Variants in CSMD1 observed in about 807,000 individuals in gnomAD.
CSMD1 encodes CUB and Sushi multiple domains 1.
A neutral mutation model predicts 417.5 loss-of-function variants in CSMD1; 213 were observed. That is an observed-to-expected ratio of 0.51 (90% CI 0.46 to 0.57). The LOEUF (loss-of-function observed/expected upper bound fraction) is 0.57, where lower values mean the gene tolerates loss of function less well. CSMD1 is among the 20% of genes least tolerant of loss of function. The probability of loss-of-function intolerance (pLI) is 0.00; values close to 1 mark genes in which losing one functional copy is unlikely to be tolerated. For synonymous variants in CSMD1, 2,862 were observed against 1,736.8 expected, an observed-to-expected ratio of 1.65 and a Z score of -16.11; for missense variants, 6,923 against 4,529.7, an observed-to-expected ratio of 1.53 and a Z score of -15.17.
intron 2 of CSMD1, among the ~76,000 whole-genome samples, chr8:4,603,686 G>T (rs1389231364): frequency 6.6e-6 from 1 of 152,078 alleles, no homozygotes; most frequent in African/African-American, 2.4e-5. Context: ...ATTAAAAACA[G>T]TGATTTTCTT....
intron 7 of CSMD1, among the ~76,000 whole-genome samples, chr8:3,626,161 C>A (rs1407933631): frequency 6.6e-6 from 1 of 152,180 alleles, no homozygotes; most frequent in Non-Finnish European, 1.5e-5. Flanking sequence ...CAAAGAGCGA[C>A]GTCTCTATGC....
At chr8:4,058,001 T>A (rs1585223097) in intron 3 of CSMD1, among the ~76,000 whole-genome samples, 1 of 151,652 alleles carries the variant, frequency 6.6e-6, no homozygotes, top group East Asian at 1.9e-4. Context: ...GCCTTAGGAT[T>A]GACTTGGCAA....
chr8:4,502,321 C>T (rs1249723153), intron 2 of CSMD1, among the ~76,000 whole-genome samples: 5 of 152,098 alleles, frequency 3.3e-5, no homozygotes, highest in Admixed American at 3.3e-4. Flanking sequence ...AATACGAGGA[C>T]AAATGCATAG....
chr8:2,940,409 T>A (rs908794735), intron 69 of CSMD1, among the ~76,000 whole-genome samples: 1 of 152,158 alleles, frequency 6.6e-6, no homozygotes, highest in Non-Finnish European at 1.5e-5. Flanking sequence ...AGCCTCTTGG[T>A]CTTGGTGCAG....
intron 5 of CSMD1, among the ~76,000 whole-genome samples, chr8:3,990,368 T>C (rs1275057222): frequency 6.6e-6 from 1 of 152,050 alleles, no homozygotes; most frequent in Non-Finnish European, 1.5e-5. Context: ...AACTGTAGAG[T>C]TCAACTCTGC....
intron 54 of CSMD1, among the ~76,000 whole-genome samples, chr8:2,982,293 C>G (rs1198672981): frequency 6.6e-6 from 1 of 152,106 alleles, no homozygotes. Context: ...GATGCGGAAG[C>G]TGCAGTGAGC....
chr8:4,879,729 T>A (rs543215517), intron 1 of CSMD1, among the ~76,000 whole-genome samples: 1 of 151,930 alleles, frequency 6.6e-6, no homozygotes, highest in Non-Finnish European at 1.5e-5. Context: ...TAGAAAGGGA[T>A]TGGGACTTTC....
chr8:3,963,671 ATGTG>A (rs1437686550), intron 5 of CSMD1, among the ~76,000 whole-genome samples: 3 of 152,334 alleles, frequency 2.0e-5, no homozygotes, highest in East Asian at 1.9e-4. Flanking sequence ...ATGATTTTGT[ATGTG>A]TGTAAGTGAA....
At chr8:3,649,915 G>T (rs913626759) in intron 7 of CSMD1, among the ~76,000 whole-genome samples, 1 of 151,774 alleles carries the variant, frequency 6.6e-6, no homozygotes, top group African/African-American at 2.4e-5. Flanking sequence ...TTTGTGCATG[G>T]TATATGTAAC....
intron 49 of CSMD1, among the ~76,000 whole-genome samples, chr8:3,067,041 ATC>A (rs1310814721): frequency 5.3e-5 from 8 of 152,122 alleles, no homozygotes; most frequent in Admixed American, 5.2e-4. Context: ...CTTCAACCTC[ATC>A]TCTTTCGCTC....
At chr8:4,320,088 C>T (rs1389319118) in intron 3 of CSMD1, among the ~76,000 whole-genome samples, 1 of 152,122 alleles carries the variant, frequency 6.6e-6, no homozygotes, top group Non-Finnish European at 1.5e-5. Flanking sequence ...ACAAACATTA[C>T]ATGTTCAAAA....
At chr8:4,426,711 A>C (rs1463758791) in intron 2 of CSMD1, among the ~76,000 whole-genome samples, 1 of 147,268 alleles carries the variant, frequency 6.8e-6, no homozygotes, top group Non-Finnish European at 1.5e-5. Context: ...TAATGCAGTA[A>C]TATTTTATTA....
chr8:4,837,683 T>C (rs1211617308), intron 1 of CSMD1, among the ~76,000 whole-genome samples: 1 of 152,026 alleles, frequency 6.6e-6, no homozygotes, highest in Non-Finnish European at 1.5e-5. Context: ...ATAAATAAAA[T>C]CTACTATTTG....
At chr8:4,100,567 G>C (rs979919655) in intron 3 of CSMD1, among the ~76,000 whole-genome samples, 1 of 152,172 alleles carries the variant, frequency 6.6e-6, no homozygotes, top group African/African-American at 2.4e-5. Context: ...TGTATAAAGA[G>C]AACAGCATCA....
chr8:4,238,444 C>G (rs891276763), intron 3 of CSMD1, among the ~76,000 whole-genome samples: 9 of 152,138 alleles, frequency 5.9e-5, no homozygotes, highest in Admixed American at 3.3e-4. Flanking sequence ...CTGTGATTCC[C>G]TCATGGACAA....
At chr8:4,626,224 C>G (rs754981857) in intron 2 of CSMD1, among the ~76,000 whole-genome samples, 1 of 152,124 alleles carries the variant, frequency 6.6e-6, no homozygotes, top group African/African-American at 2.4e-5. Flanking sequence ...GAGGACACAG[C>G]CTGCATGAAG....
At chr8:4,865,784 A>T (rs985699846) in intron 1 of CSMD1, among the ~76,000 whole-genome samples, 1 of 151,842 alleles carries the variant, frequency 6.6e-6, no homozygotes, top group Non-Finnish European at 1.5e-5. Context: ...ACCTCAATCT[A>T]TGCATTGCCC....
intron 5 of CSMD1, among the ~76,000 whole-genome samples, chr8:3,993,135 A>G (rs757531627): frequency 6.6e-6 from 1 of 152,234 alleles, no homozygotes; most frequent in Non-Finnish European, 1.5e-5. Flanking sequence ...TCTTGGTGCC[A>G]ATAATTACAC....
intron 5 of CSMD1, among the ~76,000 whole-genome samples, chr8:3,825,714 G>A (rs148310273): frequency 0.014 from 2,097 of 152,234 alleles, 40 homozygotes; most frequent in African/African-American, 0.035. Context: ...AGCTAGCTAA[G>A]GAAAATTTCC....
Sources: allele counts gnomAD v4.1 joint callset (sites outside exome capture counted in the v4.1 genomes callset), GRCh38; gene constraint gnomAD v4.1.1; transcripts MANE v1.5; gene names NCBI Gene and HGNC (gene_info 2026-07-23, HGNC 2026-07-21).